BEND6: variants seen among roughly 807,000 people sequenced by gnomAD.
The protein encoded by BEND6 is BEN domain containing 6.
Under a neutral mutation model 31.8 loss-of-function variants are expected in BEND6, and 24 were observed. The observed-to-expected ratio is 0.75, with a 90% CI of 0.55 to 1.06. The LOEUF (loss-of-function observed/expected upper bound fraction) is 1.06. Among genes scored for constraint, BEND6 ranks in the 50% least tolerant of loss-of-function variants. The pLI is 0.00. For synonymous variants in BEND6, 109 were observed against 114.6 expected, an observed-to-expected ratio of 0.95 and a Z score of 0.31; for missense variants, 294 against 327.4, an observed-to-expected ratio of 0.90 and a Z score of 0.79.
At chr6:56,993,843 A>G (rs938248819) in intron 3 of BEND6, among the ~76,000 whole-genome samples, 1 of 152,052 alleles carries the variant, frequency 6.6e-6, no homozygotes, top group Non-Finnish European at 1.5e-5. Flanking sequence ...GACTTTTGGC[A>G]TGCACCACCA....
chr6:57,019,096 C>T (rs1306924495), intron 6 of BEND6, among the ~76,000 whole-genome samples: 1 of 152,182 alleles, frequency 6.6e-6, no homozygotes, highest in Non-Finnish European at 1.5e-5. Context: ...CTACATGTTG[C>T]TTCGCATGGT....
chr6:57,010,679 C>A, intron 3 of BEND6: 1 of 924,520 alleles, frequency 1.1e-6, no homozygotes, highest in Non-Finnish European at 1.3e-6. Flanking sequence ...TAAAATTTTC[C>A]ATTAAAAGTT....
At chr6:57,006,008 G>T (rs1827146259) in intron 3 of BEND6, among the ~76,000 whole-genome samples, 1 of 152,168 alleles carries the variant, frequency 6.6e-6, no homozygotes, top group Non-Finnish European at 1.5e-5. Context: ...AGAACCTAAT[G>T]TATGATTAAG....
intron 3 of BEND6, among the ~76,000 whole-genome samples, chr6:57,014,862 A>G (rs1827474775): frequency 6.6e-6 from 1 of 152,232 alleles, no homozygotes; most frequent in Non-Finnish European, 1.5e-5. Context: ...CTTTTAAAAC[A>G]TTCTTTTTAG....
intron 3 of BEND6, chr6:57,004,448 C>A (rs1354131509): frequency 1.7e-6 from 1 of 602,340 alleles, no homozygotes; most frequent in African/African-American, 1.8e-5. Flanking sequence ...TGCCCATAGC[C>A]AGCCCTCCGC....
intron 6 of BEND6, among the ~76,000 whole-genome samples, chr6:57,020,141 G>A (rs1328611444): frequency 2.0e-5 from 3 of 152,056 alleles, no homozygotes; most frequent in Non-Finnish European, 4.4e-5. Flanking sequence ...TTCTCCAAGT[G>A]ATTATAAATT....
intron 6 of BEND6, among the ~76,000 whole-genome samples, chr6:57,020,837 T>TTTG (rs1282286576): frequency 4.5e-4 from 68 of 149,892 alleles, no homozygotes; most frequent in African/African-American, 1.6e-3. Context: ...ACTCTTGTTT[T>TTTG]TTTTTTTTTT....
Position 56,981,895 on chromosome 6 carries a change from T to G in BEND6, c.85T>G (p.Ser29Ala), listed in dbSNP as rs779282981. 5.6e-6 allele frequency: 9 copies of G among 1,612,682 alleles called. No homozygotes were observed. The Admixed American group carries it at 1.2e-4, about 21-fold the overall frequency. The change falls in exon 2 of 7, where the codon TCA becomes GCA. Residue 29 changes from serine (S) to alanine (A), a missense_variant. By Grantham distance (99) the Ser-to-Ala change is moderately conservative (BLOSUM62 1). Transcript: ENST00000370746. The part of the protein sequence containing the change: ...GKRKRTETMD[S>A]ENANSDMDKG... ...GAGGAAAAGAACAGAGACAATGGAC[T>G]CAGAAAATGCAAATAGTGACATGGA... is the stretch of plus-strand genomic sequence containing the variant.
chr6:56,968,422 G>A (rs977443731), intron 1 of BEND6, among the ~76,000 whole-genome samples: 4 of 141,688 alleles, frequency 2.8e-5, no homozygotes, highest in Non-Finnish European at 4.5e-5. Context: ...CTGGGCTCTC[G>A]TGATCCTCCC....
intron 1 of BEND6, among the ~76,000 whole-genome samples, chr6:56,960,201 A>G (rs971339454): frequency 2.0e-5 from 3 of 152,220 alleles, no homozygotes; most frequent in Non-Finnish European, 4.4e-5. Context: ...GCCAATGGAA[A>G]ATTTGAGAAC....
intron 1 of BEND6, among the ~76,000 whole-genome samples, chr6:56,977,315 T>C (rs1825912093): frequency 1.3e-5 from 2 of 152,218 alleles, no homozygotes; most frequent in Non-Finnish European, 2.9e-5. Context: ...TTGTTTTTTA[T>C]TTGAGAAACA....
At chr6:56,977,207 G>T (rs1411996129) in intron 1 of BEND6, among the ~76,000 whole-genome samples, 1 of 152,188 alleles carries the variant, frequency 6.6e-6, no homozygotes, top group Admixed American at 6.5e-5. Flanking sequence ...TGCTCAAAGG[G>T]TTGGGGACAT....
intron 3 of BEND6, among the ~76,000 whole-genome samples, chr6:56,994,954 C>T (rs1826649689): frequency 6.6e-6 from 1 of 152,140 alleles, no homozygotes; most frequent in Non-Finnish European, 1.5e-5. Flanking sequence ...CAGTTGATGG[C>T]TTTACTTCTT....
chr6:57,019,590 A>G (rs536466755), intron 6 of BEND6, among the ~76,000 whole-genome samples: 38 of 152,194 alleles, frequency 2.5e-4, no homozygotes, highest in African/African-American at 8.7e-4. Context: ...CCCTGCCCCA[A>G]ACGCCCTACA....
chr6:57,003,826 T>C (rs1827040314), intron 3 of BEND6, among the ~76,000 whole-genome samples: 1 of 152,166 alleles, frequency 6.6e-6, no homozygotes, highest in Non-Finnish European at 1.5e-5. Flanking sequence ...AAAAAGTTAA[T>C]TCACCACTAT....
intron 1 of BEND6, among the ~76,000 whole-genome samples, chr6:56,974,687 A>C (rs1272551081): frequency 6.6e-6 from 1 of 152,230 alleles, no homozygotes. Flanking sequence ...AGTGGCATGC[A>C]TATTGTCATG....
chr6:57,008,584 G>GA (rs986085060), intron 3 of BEND6: 263 of 189,306 alleles, frequency 1.4e-3, no homozygotes, highest in East Asian at 1.8e-3. Flanking sequence ...AAAGAAAAAA[G>GA]AAAAAAAAAT....
At chr6:56,955,801 T>G (rs1389028619) in intron 1 of BEND6, among the ~76,000 whole-genome samples, 3 of 152,172 alleles carry the variant, frequency 2.0e-5, no homozygotes, top group African/African-American at 7.2e-5. Flanking sequence ...TTATAAACAT[T>G]TGGGGGAGAA....
chr6:57,023,748 G>A (rs1827822111), intron 6 of BEND6, among the ~76,000 whole-genome samples: 1 of 152,278 alleles, frequency 6.6e-6, no homozygotes, highest in South Asian at 2.1e-4. Flanking sequence ...TAGGACTATA[G>A]GCACATGCCA....
Sources: allele counts gnomAD v4.1 joint callset (sites outside exome capture counted in the v4.1 genomes callset), GRCh38; gene constraint gnomAD v4.1.1; transcripts MANE v1.5; gene names NCBI Gene and HGNC (gene_info 2026-07-23, HGNC 2026-07-21).